Variants in PWWP2A observed in about 807,000 individuals in gnomAD.
PWWP2A encodes PWWP domain containing 2A.
PWWP2A carries 18 observed loss-of-function variants against 48.5 expected under a neutral mutation model. The observed-to-expected ratio is 0.37, with a 90% CI of 0.26 to 0.55. The LOEUF (loss-of-function observed/expected upper bound fraction) is 0.55. PWWP2A is among the 20% of genes least tolerant of loss of function. PWWP2A has a pLI of 0.81. For synonymous variants in PWWP2A, 396 were observed against 387.7 expected (o/e 1.02, Z -0.25); for missense variants, 867 against 976.4 (o/e 0.89, Z 1.49).
chr5:160,062,285 G>A (rs1211516117), intron 5 of PWWP2A, among the ~76,000 whole-genome samples: 1 of 152,202 alleles, frequency 6.6e-6, no homozygotes, highest in African/African-American at 2.4e-5. Context: ...TTCTGCACTA[G>A]AGGGAAACCT....
intron 1 of PWWP2A, among the ~76,000 whole-genome samples, chr5:160,095,978 G>A (rs116779504): frequency 2.6e-5 from 4 of 152,226 alleles, no homozygotes; most frequent in Non-Finnish European, 2.9e-5. Context: ...GTGAGCCACC[G>A]TGTCCAGCCA....
At chr5:160,067,398 C>T (rs192910269) in intron 2 of PWWP2A, among the ~76,000 whole-genome samples, 41 of 152,290 alleles carry the variant, frequency 2.7e-4, no homozygotes, top group African/African-American at 9.1e-4. Context: ...ACTGTCACAT[C>T]GTGCCTTGAG....
At chr5:160,111,226 A>G (rs1311225337) in intron 1 of PWWP2A, among the ~76,000 whole-genome samples, 1 of 152,076 alleles carries the variant, frequency 6.6e-6, no homozygotes, top group Non-Finnish European at 1.5e-5. Context: ...GGAGTGCAAT[A>G]GCATGATCTC....
chr5:160,089,348 G>A (rs4358561), downstream of PWWP2A, among the ~76,000 whole-genome samples: 65,760 of 152,004 alleles, frequency 0.43, 15,149 homozygotes, highest in East Asian at 0.62. Context: ...GACTATAGGC[G>A]TGCGCCACCA....
At chr5:160,099,644 T>C (rs1034370984) in intron 1 of PWWP2A, among the ~76,000 whole-genome samples, 3 of 151,540 alleles carry the variant, frequency 2.0e-5, no homozygotes, top group Non-Finnish European at 4.4e-5. Context: ...AAAATAAATA[T>C]CTTAATAATT....
chr5:160,076,430 C>A (rs1186409189), exon 4 of PWWP2A: 2 of 152,146 alleles, frequency 1.3e-5, no homozygotes, highest in African/African-American at 4.8e-5. Flanking sequence ...AGCCCTAGGC[C>A]ATATAGAGTA....
At chr5:160,074,690 G>A (rs1321240581), downstream of PWWP2A, among the ~76,000 whole-genome samples, 1 of 151,468 alleles carries the variant, frequency 6.6e-6, no homozygotes, top group Non-Finnish European at 1.5e-5. Context: ...AGGTTGCAGT[G>A]AGCCAAGATC....
intron 1 of PWWP2A, among the ~76,000 whole-genome samples, chr5:160,106,088 T>A (rs1180427096): frequency 6.6e-6 from 1 of 152,232 alleles, no homozygotes; most frequent in East Asian, 1.9e-4. Flanking sequence ...AGCAAATAGC[T>A]GTTGCCTGGT....
chr5:160,090,707 T>C (rs143964445), downstream of PWWP2A: 3,853 of 952,034 alleles, frequency 4.0e-3, 12 homozygotes, highest in Non-Finnish European at 4.6e-3. Flanking sequence ...ATGAGTTCCA[T>C]AGTAACTACT....
intron 2 of PWWP2A, among the ~76,000 whole-genome samples, chr5:160,086,101 G>C (rs1754615763): frequency 6.6e-6 from 1 of 152,272 alleles, no homozygotes; most frequent in Non-Finnish European, 1.5e-5. Flanking sequence ...TTACAGAAGT[G>C]GGCCATCGCG....
downstream of PWWP2A, among the ~76,000 whole-genome samples, chr5:160,073,790 TGCGGTG>T (rs1294316362): frequency 2.6e-5 from 4 of 151,852 alleles, no homozygotes; most frequent in South Asian, 2.1e-4. Flanking sequence ...CCAAGCCGGG[TGCGGTG>T]GCTCACACCT....
downstream of PWWP2A, among the ~76,000 whole-genome samples, chr5:160,074,411 C>T (rs1031911903): frequency 6.6e-6 from 1 of 151,774 alleles, no homozygotes; most frequent in Non-Finnish European, 1.5e-5. Context: ...GCACTCCAGC[C>T]TGGGCAACAA....
At position 160,091,981 on chromosome 5, in the gene PWWP2A, T is replaced by TAC; in HGVS notation, c.*399_*400dup. The TAC allele has an allele frequency of 1.3e-6, 1 of 753,644 alleles. No individual in the cohort carries two copies. Among genetic ancestry groups the TAC allele is most frequent in the Non-Finnish European group, 1.6e-6 (1 of 623,250 alleles). The allele number at this position is 753,644 out of a possible 1,614,324, so 46.7% of individuals were successfully genotyped here. A position where few individuals can be genotyped will look rare whatever the true frequency, so the allele number is the denominator to read the frequency against. The stretch of plus-strand genomic sequence containing the variant: ...TTTCATATATATATATGTGTATATA[T>TAC]ACATATATATGTGTGTATATATACA... On this transcript the variant is annotated 3_prime_UTR_variant, in exon 2 of 2. Transcript: ENST00000307063.
intron 1 of PWWP2A, among the ~76,000 whole-genome samples, chr5:160,096,248 G>C (rs1755638538): frequency 6.6e-6 from 1 of 151,994 alleles, no homozygotes; most frequent in African/African-American, 2.4e-5. Context: ...GGTAAGACAA[G>C]ATTAGGTCTC....
chr5:160,086,761 C>A (rs1055703282), downstream of PWWP2A, among the ~76,000 whole-genome samples: 1 of 152,222 alleles, frequency 6.6e-6, no homozygotes, highest in Non-Finnish European at 1.5e-5. Flanking sequence ...GGACTATAGG[C>A]ATGAACCACC....
At chr5:160,069,344 G>A (rs1391078944) in intron 2 of PWWP2A, among the ~76,000 whole-genome samples, 1 of 152,150 alleles carries the variant, frequency 6.6e-6, no homozygotes, top group Non-Finnish European at 1.5e-5. Context: ...GTGGGAGACA[G>A]AGACAACAGC....
At chr5:160,063,225 G>GTTTACATTT (rs1472002835) in intron 5 of PWWP2A, among the ~76,000 whole-genome samples, 1 of 152,146 alleles carries the variant, frequency 6.6e-6, no homozygotes, top group Non-Finnish European at 1.5e-5. Flanking sequence ...CCTGTAAAAT[G>GTTTACATTT]TAAAGGCCAT....
At chr5:160,075,686 G>A (rs1374372963), downstream of PWWP2A, among the ~76,000 whole-genome samples, 3 of 97,118 alleles carry the variant, frequency 3.1e-5, no homozygotes, top group Middle Eastern at 5.6e-3. Context: ...TCCATCCTTC[G>A]TCATAAAGAG....
At chr5:160,104,268 G>T (rs2113614551) in intron 1 of PWWP2A, among the ~76,000 whole-genome samples, 1 of 151,998 alleles carries the variant, frequency 6.6e-6, no homozygotes, top group East Asian at 1.9e-4. Context: ...GGGAGACCCT[G>T]CCTCTACAAA....
Sources: allele counts gnomAD v4.1 joint callset (sites outside exome capture counted in the v4.1 genomes callset), GRCh38; gene constraint gnomAD v4.1.1; transcripts MANE v1.5; gene names NCBI Gene and HGNC (gene_info 2026-07-23, HGNC 2026-07-21).